CEP85L: variants seen among roughly 807,000 people sequenced by gnomAD.
CEP85L encodes the protein centrosomal protein 85L, also known as centrosomal protein of 85 kDa-like.
In CEP85L, 60 loss-of-function variants were observed where a neutral mutation model predicts 100.3. That is an observed-to-expected ratio of 0.60 (90% CI 0.49 to 0.74). The LOEUF (loss-of-function observed/expected upper bound fraction) is 0.74. CEP85L is among the 30% of genes least tolerant of loss of function. The probability of loss-of-function intolerance (pLI) is 0.00; values close to 1 mark genes in which losing one functional copy is unlikely to be tolerated. For synonymous variants in CEP85L, 319 were observed against 322.7 expected (o/e 0.99, Z 0.12); for missense variants, 973 against 936.2 (o/e 1.04, Z -0.51).
intron 3 of CEP85L, among the ~76,000 whole-genome samples, chr6:118,561,864 G>A (rs1583053829): frequency 1.3e-5 from 2 of 152,022 alleles, no homozygotes; most frequent in East Asian, 1.9e-4. Flanking sequence ...GAGGGCAGAC[G>A]TATATAAGAT....
chr6:118,539,015 A>C (rs1197598543), intron 3 of CEP85L, among the ~76,000 whole-genome samples: 1 of 152,124 alleles, frequency 6.6e-6, no homozygotes, highest in East Asian at 1.9e-4. Flanking sequence ...ATATGGCTCT[A>C]TTTTGGATCT....
At chr6:118,522,550 T>C (rs1032771290) in intron 4 of CEP85L, among the ~76,000 whole-genome samples, 4 of 152,084 alleles carry the variant, frequency 2.6e-5, no homozygotes, top group Admixed American at 6.5e-5. Context: ...GTATCAAGTT[T>C]TAAGGCATAT....
chr6:118,622,270 C>A (rs1315124981), intron 2 of CEP85L, among the ~76,000 whole-genome samples: 1 of 152,186 alleles, frequency 6.6e-6, no homozygotes, highest in African/African-American at 2.4e-5. Context: ...TCTCAGATAA[C>A]CACCTACTCA....
intron 1 of CEP85L, chr6:118,647,108 T>C (rs902878317): frequency 1.0e-6 from 1 of 977,400 alleles, no homozygotes; most frequent in Non-Finnish European, 1.2e-6. Flanking sequence ...ACAGTATTCC[T>C]AGAAGTCCAT....
chr6:118,623,678 A>C (rs1773592780), intron 2 of CEP85L, among the ~76,000 whole-genome samples: 1 of 152,214 alleles, frequency 6.6e-6, no homozygotes, highest in Non-Finnish European at 1.5e-5. Context: ...ATCCAAAATC[A>C]AAGGGGGCTC....
chr6:118,587,360 GCAA>G (rs1780923673), intron 2 of CEP85L, among the ~76,000 whole-genome samples: 4 of 152,146 alleles, frequency 2.6e-5, no homozygotes, highest in Admixed American at 2.6e-4. Flanking sequence ...TGGAGTAATA[GCAA>G]ATGCCTCCCT....
At chr6:118,544,210 C>T (rs569841487) in intron 3 of CEP85L, among the ~76,000 whole-genome samples, 18 of 152,206 alleles carry the variant, frequency 1.2e-4, no homozygotes, top group Admixed American at 5.2e-4. Context: ...GCATCATGAT[C>T]GGGACCCTAT....
chr6:118,698,906 C>T (rs1052545215), intron 1 of CEP85L, among the ~76,000 whole-genome samples: 3 of 151,574 alleles, frequency 2.0e-5, no homozygotes, highest in African/African-American at 7.3e-5. Context: ...TCATTCTTAA[C>T]CATGATAACT....
intron 6 of CEP85L, among the ~76,000 whole-genome samples, chr6:118,491,234 C>T (rs1774547340): frequency 2.3e-5 from 3 of 131,310 alleles, no homozygotes; most frequent in Admixed American, 7.2e-5. Flanking sequence ...CACACACACA[C>T]ACACATATGC....
chr6:118,522,982 G>A (rs1242761164), intron 4 of CEP85L, among the ~76,000 whole-genome samples: 1 of 152,040 alleles, frequency 6.6e-6, no homozygotes, highest in East Asian at 1.9e-4. Context: ...AAATTTCTAA[G>A]CAAAATCTTG....
chr6:118,534,206 A>AT (rs1001826025), intron 3 of CEP85L, among the ~76,000 whole-genome samples: 6 of 152,106 alleles, frequency 3.9e-5, no homozygotes, highest in South Asian at 4.1e-4. Flanking sequence ...TTCAGGGTCA[A>AT]TTTTTTTTAA....
intron 12 of CEP85L, among the ~76,000 whole-genome samples, chr6:118,468,634 C>G (rs902260449): frequency 1.3e-5 from 2 of 152,250 alleles, no homozygotes; most frequent in East Asian, 3.9e-4. Flanking sequence ...CATGTGAAAT[C>G]ACTGGCACTC....
At position 118,570,550 on chromosome 6, in the gene CEP85L, G is replaced by A. The variant is rs74614843; in HGVS notation, c.233-4234C>T. On this transcript the variant is annotated intron_variant, in intron 2 of 12. Transcript: ENST00000368491. ...AATCTGAAAGCAGCTGATATATGCTGTCCATAGACTATGATACTGAATATA... is the reference window on the plus strand; with the variant it reads ...AATCTGAAAGCAGCTGATATATGCTATCCATAGACTATGATACTGAATATA... Among the ~76,000 whole-genome samples the A allele has an allele frequency of 1.2e-4, 18 of 152,224 alleles. No homozygotes were observed. In the East Asian group the frequency reaches 3.5e-3, roughly 29 times the overall value.
At position 118,465,212 on chromosome 6, in the gene CEP85L, A is replaced by AT. The variant is rs541379004; in HGVS notation, c.*192dup. On this transcript the variant is annotated 3_prime_UTR_variant, in exon 13 of 13. Transcript: ENST00000368491. Reference sequence around the variant, plus strand: ...TATCATATTTTCCAAAGGTAATTTGATTTTTTTTCTTTTTGCCTGATTAGA... The same window carrying AT: ...TATCATATTTTCCAAAGGTAATTTGATTTTTTTTTCTTTTTGCCTGATTAGA... The AT allele has an allele frequency of 3.6e-4, 175 of 481,202 alleles. 3 individuals are homozygous for AT. The Admixed American group carries it at 5.0e-3, about 14-fold the overall frequency. The allele number at this position is 481,202 out of a possible 1,614,324, so 29.8% of individuals were successfully genotyped here. A position where few individuals can be genotyped will look rare whatever the true frequency, so the allele number is the denominator to read the frequency against.
At chr6:118,684,110 C>A (rs1330744655) in intron 1 of CEP85L, among the ~76,000 whole-genome samples, 4 of 152,190 alleles carry the variant, frequency 2.6e-5, no homozygotes, top group Admixed American at 1.3e-4. Context: ...AACAAACTCA[C>A]ACCCATTTCT....
chr6:118,494,872 A>C (rs1774819308), intron 5 of CEP85L, among the ~76,000 whole-genome samples: 3 of 152,218 alleles, frequency 2.0e-5, no homozygotes, highest in Non-Finnish European at 4.4e-5. Flanking sequence ...CAGAATTATC[A>C]GACCAGGGAT....
chr6:118,581,809 G>GA (rs530107708), intron 2 of CEP85L, among the ~76,000 whole-genome samples: 15 of 151,788 alleles, frequency 9.9e-5, no homozygotes, highest in South Asian at 4.2e-4. Context: ...CTGAGACTTT[G>GA]AAAAAAAAGT....
intron 2 of CEP85L, among the ~76,000 whole-genome samples, chr6:118,625,838 A>G (rs1773754541): frequency 6.6e-6 from 1 of 151,800 alleles, no homozygotes; most frequent in Admixed American, 6.6e-5. Flanking sequence ...TGTATTTTTA[A>G]CCTCCTTGTC....
chr6:118,537,670 T>C (rs1196697268), intron 3 of CEP85L: 9 of 985,292 alleles, frequency 9.1e-6, no homozygotes, highest in Non-Finnish European at 1.1e-5. Flanking sequence ...AACATGCTCC[T>C]AATAAAAGTT....
Sources: gnomAD v4.1 joint callset for allele counts (sites outside exome capture counted in the v4.1 genomes callset) on GRCh38, gnomAD v4.1.1 for gene constraint, MANE v1.5 for transcripts, NCBI Gene and HGNC (gene_info 2026-07-23, HGNC 2026-07-21) for gene names.